Variants in COG2 observed in about 807,000 individuals in gnomAD.
COG2 encodes the protein component of oligomeric golgi complex 2, also known as conserved oligomeric Golgi complex subunit 2.
Under a neutral mutation model 90.6 loss-of-function variants are expected in COG2, and 52 were observed. That is an observed-to-expected ratio of 0.57 (90% CI 0.46 to 0.72). The LOEUF is 0.72. Among genes scored for constraint, COG2 ranks in the 30% least tolerant of loss-of-function variants. The pLI is 0.00. For synonymous variants in COG2, 337 were observed against 320.4 expected, an observed-to-expected ratio of 1.05 and a Z score of -0.55; for missense variants, 829 against 891.2, an observed-to-expected ratio of 0.93 and a Z score of 0.89.
chr1:230,693,338 C>T lies in COG2; in HGVS notation c.2162C>T (p.Ala721Val). The T allele has an allele frequency of 6.2e-7, 1 of 1,613,772 alleles. No individual in the cohort carries two copies. Among genetic ancestry groups the T allele is most frequent in the Non-Finnish European group, 8.5e-7 (1 of 1,179,798 alleles). Residue 721 changes from alanine (A) to valine (V), a missense_variant, in exon 18 of 18, where the codon GCT becomes GTT. Transcript: ENST00000366669. ...LQASDIKSFSALAELVAAAKD... is the reference protein window; with the variant it reads ...LQASDIKSFSVLAELVAAAKD... ...GCAAGTGACATAAAAAGCTTCTCAG[C>T]TCTCGCAGAGCTTGTTGCTGCTGCC...
intron 10 of COG2, 162 bp from the exon 11 acceptor site, chr1:230,683,409 TAAA>T (rs5781595): frequency 0.12 from 46,428 of 377,438 alleles, 5 homozygotes; most frequent in South Asian, 0.16. Context: ...CTTGTTCAGT[TAAA>T]AAAAAAAAAA....
At chr1:230,642,712 A>T (rs1439326081) in intron 1 of COG2, 34 bp downstream of exon 1, 2 of 1,599,650 alleles carry the variant, frequency 1.3e-6, no homozygotes, top group Middle Eastern at 1.7e-4. Flanking sequence ...GAGCCGGGCC[A>T]TGAGGGTGCC....
chr1:230,650,473 C>T (rs1170121302), intron 1 of COG2, among the ~76,000 whole-genome samples: 1 of 152,050 alleles, frequency 6.6e-6, no homozygotes, highest in Non-Finnish European at 1.5e-5. Flanking sequence ...GACATTTTTT[C>T]ATATGTTTGT....
In COG2 at chr1:230,669,504, G is replaced by T; in HGVS notation, c.743G>T (p.Gly248Val). The change falls in exon 7 of 18, where the codon GGC becomes GTC. Residue 248 changes from glycine (G) to valine (V), a missense_variant. Physicochemically the swap from Gly to Val is moderately radical, Grantham distance 109. Transcript: ENST00000366669. ...DKTRDAEALV[G>V]QVLVKPYIDE... ...ACACGGGACGCGGAGGCCTTAGTTG[G>T]CCAAGTACTAGTGAAACCATACATA... is the stretch of plus-strand genomic sequence containing the variant. The T allele has an allele frequency of 1.2e-6, 2 of 1,613,958 alleles. 1 individual carries two copies. The highest frequency in any genetic ancestry group is 3.3e-4 in the Middle Eastern group (2 of 6,056).
intron 6 of COG2, 58 bp downstream of exon 6, chr1:230,668,842 G>T: frequency 3.9e-6 from 4 of 1,032,978 alleles, no homozygotes; most frequent in Non-Finnish European, 5.8e-6. Context: ...AAATAATTCT[G>T]GTTTAAACTA....
intron 15 of COG2, among the ~76,000 whole-genome samples, chr1:230,689,013 A>AG: frequency 6.6e-6 from 1 of 152,106 alleles, no homozygotes; most frequent in African/African-American, 2.4e-5. Flanking sequence ...GAAAATATTT[A>AG]GGGGGAAAAA....
intron 1 of COG2, among the ~76,000 whole-genome samples, chr1:230,643,253 A>G (rs1417082257): frequency 6.6e-6 from 1 of 152,210 alleles, no homozygotes; most frequent in Admixed American, 6.5e-5. Context: ...GATGCATTTG[A>G]AGAAGTTGGT....
At chr1:230,692,042 G>A (rs546530474) in intron 17 of COG2, among the ~76,000 whole-genome samples, 5 of 152,166 alleles carry the variant, frequency 3.3e-5, no homozygotes, top group Middle Eastern at 3.4e-3. Flanking sequence ...ATCATGGCAC[G>A]TAGTTGAATG....
At chr1:230,655,081 C>G (rs1571944560) in intron 1 of COG2, among the ~76,000 whole-genome samples, 1 of 152,208 alleles carries the variant, frequency 6.6e-6, no homozygotes, top group East Asian at 1.9e-4. Flanking sequence ...ATTTGAATAC[C>G]CTTTATTTCT....
rs75802236 is a variant in COG2, at chr1:230,686,886, A to C, written c.1381-49A>C. 1.8e-3 allele frequency: 2,180 copies of C among 1,215,514 alleles called. 27 individuals are homozygous for C. The African/African-American group carries it at 0.029, about 16-fold the overall frequency. 75.3% of individuals were successfully genotyped at this position (1,215,514 alleles called of 1,614,324 possible). On this transcript the variant is annotated intron_variant, in intron 12 of 17. Transcript: ENST00000366669. ...GCACATATGTAATATATAAATGCTC[A>C]TGTATCTTGCTAGTGTGAAAGTAGT...
At chr1:230,678,654 G>A in intron 9 of COG2, 1 of 1,395,694 alleles carries the variant, frequency 7.2e-7, no homozygotes, top group Non-Finnish European at 9.4e-7. Flanking sequence ...GCCATTTAAA[G>A]AGCACCAGAC....
chr1:230,673,059 G>A (rs1662492789), intron 8 of COG2, among the ~76,000 whole-genome samples: 1 of 152,076 alleles, frequency 6.6e-6, no homozygotes, highest in Admixed American at 6.6e-5. Context: ...CTTTTGTTTA[G>A]TAATCATAAG....
At chr1:230,663,370 TTAAA>T (rs567009940) in intron 4 of COG2, 149 bp downstream of exon 4, 18 of 330,528 alleles carry the variant, frequency 5.4e-5, no homozygotes, top group African/African-American at 2.6e-4. Flanking sequence ...AGTGTTTATA[TTAAA>T]TAAATAAATA....
chr1:230,653,739 A>G (rs1481904617), intron 1 of COG2, among the ~76,000 whole-genome samples: 1 of 152,182 alleles, frequency 6.6e-6, no homozygotes, highest in Admixed American at 6.5e-5. Context: ...GTTCAAGATC[A>G]AGAGGCCGCA....
chr1:230,661,630 T>C (rs1662179920), intron 3 of COG2: 1 of 152,068 alleles, frequency 6.6e-6, no homozygotes, highest in Admixed American at 6.6e-5. Flanking sequence ...CCCTGGCACA[T>C]AGTATGCTCA....
intron 5 of COG2, among the ~76,000 whole-genome samples, 175 bp from the exon 6 acceptor site, chr1:230,668,501 T>C (rs1393783109): frequency 2.6e-5 from 4 of 152,156 alleles, no homozygotes; most frequent in Admixed American, 2.0e-4. Context: ...GAACATTGAC[T>C]GATGGCACAA....
intron 1 of COG2, among the ~76,000 whole-genome samples, chr1:230,652,682 A>G (rs1661942049): frequency 1.3e-5 from 2 of 152,212 alleles, no homozygotes; most frequent in African/African-American, 4.8e-5. Flanking sequence ...CTACTGCTCC[A>G]TAACTTCAGA....
rs554448591 is a variant in COG2 at position 230,649,701 on chromosome 1, G to A, written c.72+7023G>A. Among the ~76,000 whole-genome samples the A allele has an allele frequency of 2.5e-3, 382 of 151,958 alleles. 1 individual carries two copies. The highest frequency in any genetic ancestry group is 4.0e-3 in the Non-Finnish European group (274 of 67,932). On this transcript the variant is annotated intron_variant, in intron 1 of 17. Coordinates refer to ENST00000366669, the MANE Select transcript of COG2 (RefSeq NM_007357.3). ...ATTTATTTATTGGGTATCTCATTGTGGTTTTTCTTTTGTTACTTATTTATT... is the reference window on the plus strand; with the variant it reads ...ATTTATTTATTGGGTATCTCATTGTAGTTTTTCTTTTGTTACTTATTTATT...
chr1:230,692,208 G>T (rs183158228), intron 17 of COG2, among the ~76,000 whole-genome samples: 1 of 152,000 alleles, frequency 6.6e-6, no homozygotes, highest in East Asian at 1.9e-4. Context: ...TCAGAAACTG[G>T]CCTTCTAAAC....
Sources: gnomAD v4.1 joint callset for allele counts (sites outside exome capture counted in the v4.1 genomes callset) on GRCh38, gnomAD v4.1.1 for gene constraint, MANE v1.5 for transcripts, NCBI Gene and HGNC (gene_info 2026-07-23, HGNC 2026-07-21) for gene names.